ERCC6: variants seen among roughly 807,000 people sequenced by gnomAD.
ERCC6 encodes the protein ERCC excision repair 6, chromatin remodeling factor.
ERCC6 carries 116 observed loss-of-function variants against 158.7 expected under a neutral mutation model. That is an observed-to-expected ratio of 0.73 (90% CI 0.63 to 0.85). The LOEUF is 0.85. Among genes scored for constraint, ERCC6 ranks in the 40% least tolerant of loss-of-function variants. ERCC6 has a pLI of 0.00. For missense variants in ERCC6, 1,698 were observed against 1,799.4 expected, an observed-to-expected ratio of 0.94 and a Z score of 1.02; for synonymous variants, 678 against 659.3, an observed-to-expected ratio of 1.03 and a Z score of -0.43.
intron 8 of ERCC6, among the ~76,000 whole-genome samples, chr10:49,488,990 G>A (rs189478040): frequency 2.6e-5 from 4 of 152,140 alleles, no homozygotes; most frequent in Admixed American, 6.5e-5. Context: ...TTCACCATGT[G>A]GCCAGGATGG....
In ERCC6 at chr10:49,526,491, C is replaced by T. The variant is rs575883570; in HGVS notation, c.653-1714G>A. 1.4e-4 allele frequency among the ~76,000 whole-genome samples: 21 copies of T among 152,232 alleles called. No individual in the cohort carries two copies. In the South Asian group the frequency reaches 1.5e-3, roughly 11 times the overall value. ...CTAGATTTGAGTCCTTTGATTCACA[C>T]ATGTATTGCAAATATCTTCCCCAGC... On this transcript the variant is annotated intron_variant, in intron 4 of 20. Coordinates refer to ENST00000355832, the MANE Select transcript of ERCC6 (RefSeq NM_000124.4).
At chr10:49,437,471 G>A in the ERCC6 span, among the ~76,000 whole-genome samples, 4 of 152,108 alleles carry the variant, frequency 2.6e-5, no homozygotes, top group Non-Finnish European at 4.4e-5. Context: ...AAACATATAA[G>A]CAAGGAAATA....
In ERCC6 at chr10:49,532,504, T is replaced by C. The variant is rs368892598; in HGVS notation, c.422+39A>G. On this transcript the variant is annotated intron_variant, in intron 2 of 20. Coordinates refer to ENST00000355832, the MANE Select transcript of ERCC6 (RefSeq NM_000124.4). ...TTACCTGAATATCCCTGTCATGTTT[T>C]ACCACCACTTTGAAAGGAAGAAGAT... 7.3e-5 allele frequency: 118 copies of C among 1,610,258 alleles called. No homozygotes were observed. The African/African-American group carries it at 1.4e-3, about 19-fold the overall frequency.
intron 5 of ERCC6, among the ~76,000 whole-genome samples, chr10:49,518,989 A>G (rs537255197): frequency 1.3e-5 from 2 of 152,342 alleles, no homozygotes; most frequent in South Asian, 2.1e-4. Flanking sequence ...ACAGGCATCA[A>G]GTCTACAGAT....
downstream of ERCC6, among the ~76,000 whole-genome samples, chr10:49,451,540 CT>C (rs1239801275): frequency 1.3e-5 from 2 of 152,028 alleles, no homozygotes. Context: ...GTAGAGATGA[CT>C]TTTTTATTAT....
intron 3 of ERCC6, among the ~76,000 whole-genome samples, chr10:49,529,613 T>C (rs1837421807): frequency 6.6e-6 from 1 of 151,964 alleles, no homozygotes; most frequent in South Asian, 2.1e-4. Context: ...GAAGATGGGG[T>C]AGTGCAGGTA....
Position 49,499,284 on chromosome 10 carries a change from G to A in ERCC6, c.1685+1254C>T, listed in dbSNP as rs568968744. Among the ~76,000 whole-genome samples the A allele has an allele frequency of 1.7e-4, 26 of 152,228 alleles. No homozygotes were observed. In the South Asian group the frequency reaches 3.3e-3, roughly 19 times the overall value. On this transcript the variant is annotated intron_variant, in intron 7 of 20. Transcript: ENST00000355832. ...CTACATCTATATAAATGCAACTGGC[G>A]TTCTAAAATATTCTAAAACTCCAAA...
chr10:49,497,433 T>C (rs1266588147), intron 7 of ERCC6, among the ~76,000 whole-genome samples: 1 of 152,282 alleles, frequency 6.6e-6, no homozygotes, highest in East Asian at 1.9e-4. Context: ...TTCTCTTTTA[T>C]AATGTGCCTT....
Position 49,473,025 on chromosome 10 carries a change from T to C in ERCC6, c.2713A>G (p.Thr905Ala), listed in dbSNP as rs1253190448. The change falls in exon 15 of 21, where the codon ACA becomes GCA. Residue 905 changes from threonine (T) to alanine (A), a missense_variant. Thr to Ala is a moderately conservative substitution (Grantham distance 58). Coordinates refer to ENST00000355832, the MANE Select transcript of ERCC6 (RefSeq NM_000124.4). ...QPLITRYNED[T>A]SIFVFLLTTR... is the part of the protein sequence containing the mutation. ...GTCAGAAGAAACACAAATATGGATG[T>C]GTCCTAGAGGTAAGACACACAACAC... 6.2e-7 allele frequency: 1 copy of C among 1,614,108 alleles called. No homozygotes were observed. Among genetic ancestry groups the C allele is most frequent in the South Asian group, 1.1e-5 (1 of 91,066 alleles).
Position 49,457,055 on chromosome 10 carries a change from C to T in ERCC6, c.*1760G>A, listed in dbSNP as rs1850495214. On this transcript the variant is annotated 3_prime_UTR_variant, in exon 21 of 21. Coordinates refer to ENST00000355832, the MANE Select transcript of ERCC6 (RefSeq NM_000124.4). ...ACACTATAAGTATGATACCCAAATG[C>T]TTCATGAGTGAACAAGGTCAGCAGA... 1 of 152,164 alleles carries T rather than the reference C, an allele frequency of 6.6e-6. No individual in the cohort carries two copies. The highest frequency in any genetic ancestry group is 6.5e-5 in the Admixed American group (1 of 15,270). 9.4% of individuals were successfully genotyped at this position (152,164 alleles called of 1,614,324 possible).
At chr10:49,520,309 G>A (rs1250234214) in intron 5 of ERCC6, among the ~76,000 whole-genome samples, 1 of 152,160 alleles carries the variant, frequency 6.6e-6, no homozygotes, top group South Asian at 2.1e-4. Context: ...GTCTGTGGGT[G>A]GGGAAGCTTT....
In ERCC6 at chr10:49,493,136, C is replaced by T. The variant is rs778585863; in HGVS notation, c.1802G>A (p.Gly601Asp). The T allele has an allele frequency of 6.2e-7, 1 of 1,613,998 alleles. No homozygotes were observed. Among genetic ancestry groups the T allele is most frequent in the South Asian group, 1.1e-5 (1 of 91,082 alleles). ...TGTTACCTTTTTGTGGGTATAGGAA[C>T]CGGTTTCATGTAGAATTGCCACTCT... ...PFRVAILHET[G>D]SYTHKKEKLI... Residue 601 changes from glycine to aspartate, a missense_variant, in exon 8 of 21, where the codon GGT (glycine) becomes GAT (aspartate). Physicochemically the swap from Gly to Asp is moderately conservative, Grantham distance 94. Coordinates refer to ENST00000355832, the MANE Select transcript of ERCC6 (RefSeq NM_000124.4).
chr10:49,531,246 T>C (rs1256069187), intron 2 of ERCC6, among the ~76,000 whole-genome samples: 1 of 152,212 alleles, frequency 6.6e-6, no homozygotes, highest in African/African-American at 2.4e-5. Flanking sequence ...ATCCTAAATA[T>C]GCTTAAACAT....
intron 6 of ERCC6, chr10:49,504,151 A>C (rs1429714078): frequency 1.3e-5 from 2 of 152,146 alleles, no homozygotes; most frequent in Non-Finnish European, 1.5e-5. Context: ...AAATATATCT[A>C]CAGTTTAAAA....
chr10:49,530,200 G>A (rs7897502), intron 3 of ERCC6, among the ~76,000 whole-genome samples: 265 of 152,312 alleles, frequency 1.7e-3, no homozygotes, highest in African/African-American at 6.0e-3. Context: ...AAGGAAGTGC[G>A]CCCAAGTGAG....
intron 1 of ERCC6, among the ~76,000 whole-genome samples, chr10:49,534,709 T>TTA (rs1837557891): frequency 6.6e-6 from 1 of 152,208 alleles, no homozygotes; most frequent in South Asian, 2.1e-4. Flanking sequence ...TCACATCTAA[T>TTA]AAATATATTA....
At chr10:49,515,426 T>C (rs989638422) in intron 5 of ERCC6, 3 of 1,614,064 alleles carry the variant, frequency 1.9e-6, no homozygotes, top group Non-Finnish European at 2.5e-6. Context: ...ATTCAGCGCA[T>C]CGCGTTTGCT....
intron 8 of ERCC6, among the ~76,000 whole-genome samples, chr10:49,492,425 T>G (rs1309333746): frequency 6.6e-6 from 1 of 152,230 alleles, no homozygotes; most frequent in African/African-American, 2.4e-5. Context: ...CAAATGCTTA[T>G]GGGTCACCCG....
At position 49,456,506 on chromosome 10, in the gene ERCC6, G is replaced by C. The variant is rs1850485920; in HGVS notation, c.*2309C>G. On this transcript the variant is annotated 3_prime_UTR_variant, in exon 21 of 21. Transcript: ENST00000355832. ...GAAAATGACATTATAGCAGCAGTCT[G>C]TGTCATGTGATTCTCTAAATGCATG... The C allele has an allele frequency of 6.6e-6, 1 of 152,208 alleles. No individual in the cohort carries two copies. The highest frequency in any genetic ancestry group is 1.5e-5 in the Non-Finnish European group (1 of 68,046). The allele number at this position is 152,208 out of a possible 1,614,324, so 9.4% of individuals were successfully genotyped here.
Sources: allele counts gnomAD v4.1 joint callset (sites outside exome capture counted in the v4.1 genomes callset), GRCh38; gene constraint gnomAD v4.1.1; transcripts MANE v1.5; gene names NCBI Gene and HGNC (gene_info 2026-07-23, HGNC 2026-07-21).